The following FILIP1 variants were observed in gnomAD, a reference collection of about 807,000 sequenced individuals.
The protein encoded by FILIP1 is filamin A interacting protein 1, also known as filamin-A-interacting protein 1.
A neutral mutation model predicts 102.1 loss-of-function variants in FILIP1; 61 were observed. The ratio of observed to expected loss-of-function variants is 0.60; its 90% confidence interval spans 0.49 to 0.74. The LOEUF is 0.74. FILIP1 is among the 30% of genes least tolerant of loss of function. The pLI, the probability that FILIP1 is intolerant of heterozygous loss-of-function variation, is 0.00. For synonymous variants in FILIP1, 491 were observed against 526.9 expected (o/e 0.93, Z 0.93); for missense variants, 1,314 against 1,441.2 (o/e 0.91, Z 1.43).
rs775611684 is a variant in FILIP1, at chr6:75,312,983, G to C, written c.2849C>G (p.Pro950Arg). 2 of 1,614,008 alleles carry C rather than the reference G, an allele frequency of 1.2e-6. No homozygotes were observed. Among genetic ancestry groups the C allele is most frequent in the Non-Finnish European group, 1.7e-6 (2 of 1,179,980 alleles). ...TVIPTLGNQK[P>R]RITIIPSPNV... ...TGGTGATGGAATAATGGTTATTCTTGGTTTCTGATTCCCTAAGGTAGGAAT... is the reference window on the plus strand; with the variant it reads ...TGGTGATGGAATAATGGTTATTCTTCGTTTCTGATTCCCTAAGGTAGGAAT... Residue 950 changes from proline (P) to arginine (R), a missense_variant, in exon 5 of 6, where the codon CCA (proline) becomes CGA (arginine). Physicochemically the swap from Pro to Arg is moderately radical, Grantham distance 103. Around this residue, in one of 3 missense-constraint regions of FILIP1, gnomAD observed 816 missense variants for 913.1 expected, o/e 0.89. Transcript: ENST00000237172.
At position 75,314,473 on chromosome 6, in the gene FILIP1, A is replaced by G. The variant is rs1411957389; in HGVS notation, c.1359T>C (p.His453=). 1 of 1,595,846 alleles carries G rather than the reference A, an allele frequency of 6.3e-7. No homozygotes were observed. The highest frequency in any genetic ancestry group is 1.2e-5 in the South Asian group (1 of 86,744). Residue 453 remains histidine (H), a synonymous_variant, in exon 5 of 6, where the codon CAT becomes CAC. Coordinates refer to ENST00000237172, the MANE Select transcript of FILIP1 (RefSeq NM_015687.5). ...AGTTCTTTTCTTTCTCCAGATTTAA[A>G]TGTAGCTGGGTGCACTCAGATTTAC... is the stretch of plus-strand genomic sequence containing the variant. The part of the protein sequence containing the change: ...SKSKSECTQL[H]LNLEKEKNLT...
At chr6:75,306,160 G>C (rs1270287789), downstream of FILIP1, among the ~76,000 whole-genome samples, 1 of 152,156 alleles carries the variant, frequency 6.6e-6, no homozygotes, top group Non-Finnish European at 1.5e-5. Context: ...TGTCATGGTA[G>C]TTGTTCTTTA....
At chr6:75,354,034 A>G (rs1390760677) in intron 3 of FILIP1, among the ~76,000 whole-genome samples, 2 of 152,178 alleles carry the variant, frequency 1.3e-5, no homozygotes, top group Admixed American at 6.5e-5. Flanking sequence ...CCATTTTGGT[A>G]GTTTCCAGCT....
chr6:75,464,694 T>C (rs1420868841), intron 1 of FILIP1, among the ~76,000 whole-genome samples: 1 of 152,204 alleles, frequency 6.6e-6, no homozygotes, highest in African/African-American at 2.4e-5. Flanking sequence ...AATCTGCACC[T>C]GTATATCCAG....
At chr6:75,413,275 T>C (rs1028949044) in intron 2 of FILIP1, among the ~76,000 whole-genome samples, 45 of 152,194 alleles carry the variant, frequency 3.0e-4, no homozygotes, top group African/African-American at 1.1e-3. Context: ...CTCAGGTCAA[T>C]AGCTTTCGGC....
At chr6:75,422,247 G>A (rs1777493000) in intron 1 of FILIP1, among the ~76,000 whole-genome samples, 1 of 151,776 alleles carries the variant, frequency 6.6e-6, no homozygotes, top group Non-Finnish European at 1.5e-5. Context: ...GTCACTACTA[G>A]ACATAGCATG....
intron 4 of FILIP1, among the ~76,000 whole-genome samples, chr6:75,337,927 AGTT>A (rs1774295894): frequency 6.6e-6 from 1 of 152,116 alleles, no homozygotes; most frequent in South Asian, 2.1e-4. Context: ...TTTTTACAGA[AGTT>A]GTTGTGTGTT....
intron 1 of FILIP1, among the ~76,000 whole-genome samples, chr6:75,431,174 G>A (rs1183187770): frequency 1.3e-5 from 2 of 152,120 alleles, no homozygotes; most frequent in African/African-American, 4.8e-5. Context: ...TGAGGGCAGA[G>A]GAAGGTCAAG....
intron 4 of FILIP1, chr6:75,319,147 T>C: frequency 1.4e-6 from 1 of 728,782 alleles, no homozygotes. Context: ...GACAATTCCC[T>C]TTTATGCTGC....
chr6:75,328,122 A>T (rs763113492), intron 4 of FILIP1, among the ~76,000 whole-genome samples: 49 of 152,206 alleles, frequency 3.2e-4, no homozygotes, highest in South Asian at 6.2e-4. Flanking sequence ...GGATTTTTTT[A>T]AAATTTAGAA....
intron 4 of FILIP1, among the ~76,000 whole-genome samples, chr6:75,318,872 T>A (rs551510119): frequency 2.0e-5 from 3 of 151,992 alleles, no homozygotes; most frequent in Non-Finnish European, 4.4e-5. Context: ...AAAGACACAC[T>A]CTGTAGAGTG....
Position 75,327,702 on chromosome 6 carries a change from G to A in FILIP1, c.630-12500C>T, listed in dbSNP as rs566308087. Among the ~76,000 whole-genome samples, 358 of 151,352 alleles carry A rather than the reference G, an allele frequency of 2.4e-3. 1 individual carries two copies. Among genetic ancestry groups the A allele is most frequent in the Admixed American group, 3.6e-3 (55 of 15,206 alleles). ...TAAACATTAAGAGATATATATTAAC[G>A]TTTCTTCTTAATTTAAAACTTTGTT... is the stretch of plus-strand genomic sequence containing the variant. On this transcript the variant is annotated intron_variant, in intron 4 of 5. Coordinates refer to ENST00000237172, the MANE Select transcript of FILIP1 (RefSeq NM_015687.5).
intron 4 of FILIP1, among the ~76,000 whole-genome samples, chr6:75,318,207 T>TAATATC (rs1773508386): frequency 6.6e-6 from 1 of 150,714 alleles, no homozygotes; most frequent in Non-Finnish European, 1.5e-5. Flanking sequence ...TAGACTCCTA[T>TAATATC]AATATCAATT....
chr6:75,359,576 G>A (rs1490691241), intron 3 of FILIP1, among the ~76,000 whole-genome samples: 1 of 152,192 alleles, frequency 6.6e-6, no homozygotes, highest in African/African-American at 2.4e-5. Context: ...TCCACATAAT[G>A]AAGAATATGG....
intron 2 of FILIP1, among the ~76,000 whole-genome samples, chr6:75,400,003 G>A (rs1056409246): frequency 6.6e-6 from 1 of 152,054 alleles, no homozygotes; most frequent in African/African-American, 2.4e-5. Flanking sequence ...TTAAGATGAC[G>A]GTGTTCTCAG....
chr6:75,346,750 G>A (rs1485939982), intron 4 of FILIP1, among the ~76,000 whole-genome samples: 1 of 152,060 alleles, frequency 6.6e-6, no homozygotes, highest in African/African-American at 2.4e-5. Context: ...ACCCCAGCTA[G>A]GGGTAACACC....
rs1176500519 is a variant in FILIP1, at chr6:75,312,361, T to C, written c.3435+36A>G. 1.9e-6 allele frequency: 3 copies of C among 1,582,938 alleles called. No homozygotes were observed. The South Asian group carries it at 3.5e-5, about 19-fold the overall frequency. ...GTCTCACTACTCACGTCTCCCTCCC[T>C]CTGCAGGCCTGCGCTTTGGAGCCTC... On this transcript the variant is annotated intron_variant, in intron 5 of 5. Transcript: ENST00000237172.
At chr6:75,389,206 T>C (rs1776201881) in intron 2 of FILIP1, among the ~76,000 whole-genome samples, 1 of 152,232 alleles carries the variant, frequency 6.6e-6, no homozygotes, top group African/African-American at 2.4e-5. Context: ...CAGCCTTGCA[T>C]CCCAGGGATG....
At chr6:75,438,062 T>G (rs954313859) in intron 1 of FILIP1, among the ~76,000 whole-genome samples, 4 of 152,264 alleles carry the variant, frequency 2.6e-5, no homozygotes, top group South Asian at 2.1e-4. Context: ...CATTCCATTA[T>G]GTGGCACAGT....
Sources: gnomAD v4.1 joint callset for allele counts (sites outside exome capture counted in the v4.1 genomes callset) on GRCh38, gnomAD v4.1.1 for gene constraint, gnomAD v4.1.1 regional missense constraint, MANE v1.5 for transcripts, NCBI Gene and HGNC (gene_info 2026-07-23, HGNC 2026-07-21) for gene names.